PIH1D2: variants seen among roughly 807,000 people sequenced by gnomAD.
The protein encoded by PIH1D2 is PIH1 domain-containing protein 2.
Under a neutral mutation model 31.2 loss-of-function variants are expected in PIH1D2, and 25 were observed. That is an observed-to-expected ratio of 0.80 (90% confidence interval 0.58 to 1.12). The LOEUF (loss-of-function observed/expected upper bound fraction) is 1.12, where lower values mean the gene tolerates loss of function less well. Ranked by LOEUF, PIH1D2 falls within the 50% of genes most tolerant of loss-of-function variation. PIH1D2 has a pLI of 0.00. For synonymous variants in PIH1D2, 116 were observed against 119.9 expected (o/e 0.97, Z 0.21); for missense variants, 310 against 356.6 (o/e 0.87, Z 1.05).
rs587694081 is a variant in PIH1D2 at position 112,071,404 on chromosome 11, G to A, written c.302-121C>T. 55 of 1,348,098 alleles carry A rather than the reference G, an allele frequency of 4.1e-5. No homozygotes were observed. The African/African-American group carries it at 7.6e-4, about 19-fold the overall frequency. The allele number at this position is 1,348,098 out of a possible 1,614,324, so 83.5% of individuals were successfully genotyped here. A position where few individuals can be genotyped will look rare whatever the true frequency, so the allele number is the denominator to read the frequency against. ...GAGAATATTCCTGTATTTTTCAGAG[G>A]TAATCACAGTAGTGCTACAGCAATT... On this transcript the variant is annotated intron_variant, in intron 3 of 5. Transcript: ENST00000280350.
At chr11:112,065,735 CGTT>C (rs1401112125), downstream of PIH1D2, among the ~76,000 whole-genome samples, 1 of 152,198 alleles carries the variant, frequency 6.6e-6, no homozygotes, top group Admixed American at 6.5e-5. Context: ...AATCCCAACA[CGTT>C]GGGAGGCCGA....
intron 2 of PIH1D2, 150 bp downstream of exon 2, chr11:112,072,848 G>T: frequency 1.1e-6 from 1 of 893,516 alleles, no homozygotes; most frequent in Non-Finnish European, 1.6e-6. Flanking sequence ...TGGTGACAAA[G>T]TAAGACTCTG....
chr11:112,054,188 C>T, the PIH1D2 span, among the ~76,000 whole-genome samples: 70 of 151,380 alleles, frequency 4.6e-4, no homozygotes, highest in Admixed American at 2.4e-3. Flanking sequence ...TGGTGGTGCG[C>T]GCCTGTAGTC....
chr11:112,057,702 GT>G, the PIH1D2 span, among the ~76,000 whole-genome samples: 1 of 152,194 alleles, frequency 6.6e-6, no homozygotes, highest in Non-Finnish European at 1.5e-5. Context: ...GGCTCATGAG[GT>G]TGAAGGAAAG....
chr11:112,053,753 CTTAAACACAGCTT>C, the PIH1D2 span, among the ~76,000 whole-genome samples: 3 of 152,150 alleles, frequency 2.0e-5, no homozygotes, highest in Non-Finnish European at 4.4e-5. Flanking sequence ...ACGCCCAGCC[CTTAAACACAGCTT>C]TTAAACTATT....
chr11:112,060,186 C>T (rs1864485146), downstream of PIH1D2: 8 of 756,870 alleles, frequency 1.1e-5, no homozygotes, highest in East Asian at 3.1e-5. Flanking sequence ...TTTTTTGAGA[C>T]GGAGTCTCTC....
intron 2 of PIH1D2, 64 bp from the exon 3 acceptor site, chr11:112,071,822 G>A: frequency 1.3e-6 from 2 of 1,562,858 alleles, no homozygotes; most frequent in Admixed American, 1.7e-5. Context: ...GCCAGGCATG[G>A]TGGCTCCCGC....
downstream of PIH1D2, chr11:112,063,338 T>C (rs782553716): frequency 2.6e-5 from 4 of 152,390 alleles, no homozygotes; most frequent in Non-Finnish European, 4.4e-5. Context: ...TAAAATTTTC[T>C]AAGATTAACT....
chr11:112,054,543 A>G, the PIH1D2 span, among the ~76,000 whole-genome samples: 1 of 152,278 alleles, frequency 6.6e-6, no homozygotes, highest in South Asian at 2.1e-4. Context: ...ACAAGCGAGG[A>G]GAGGAGATTC....
At chr11:112,062,521 A>G, downstream of PIH1D2, 1 of 1,612,446 alleles carries the variant, frequency 6.2e-7, no homozygotes, top group Non-Finnish European at 8.5e-7. Flanking sequence ...AAAACCTATC[A>G]CTATGTTGTT....
At chr11:112,071,858 C>T in intron 2 of PIH1D2, 100 bp from the exon 3 acceptor site, 1 of 1,322,778 alleles carries the variant, frequency 7.6e-7, no homozygotes, top group Non-Finnish European at 1.0e-6. Flanking sequence ...TTTGGGGGTC[C>T]AAGGCGGCCG....
chr11:112,067,961 C>T lies in PIH1D2; in HGVS notation c.858G>A (p.Leu286=), dbSNP rs370071348. 2.1e-4 allele frequency: 340 copies of T among 1,606,148 alleles called. No homozygotes were observed. Among genetic ancestry groups the T allele is most frequent in the Non-Finnish European group, 2.8e-4 (325 of 1,173,848 alleles). The change falls in exon 6 of 6, where the codon CTG becomes CTA. Residue 286 remains leucine, a synonymous_variant. Transcript: ENST00000280350. ...IEVSEKYRLH[L]NLPKLIDTEM... is the part of the protein sequence containing the mutation. ...CAGTATCAATAAGTTTTGGAAGATT[C>T]AGATGTAATCTGTACTTCTCAGATA...
chr11:112,072,405 G>A (rs1353735308), intron 2 of PIH1D2, among the ~76,000 whole-genome samples: 2 of 151,370 alleles, frequency 1.3e-5, no homozygotes, highest in Admixed American at 6.6e-5. Flanking sequence ...AAAATTAGCC[G>A]GGTGTGGTGA....
chr11:112,059,137 G>C (rs587703103), downstream of PIH1D2, among the ~76,000 whole-genome samples: 1 of 151,472 alleles, frequency 6.6e-6, no homozygotes, highest in South Asian at 2.1e-4. Flanking sequence ...CCTATTTCTT[G>C]CTACAATGCA....
chr11:112,062,837 G>A (rs1864719686), downstream of PIH1D2: 1 of 353,618 alleles, frequency 2.8e-6, no homozygotes, highest in Non-Finnish European at 5.4e-6. Context: ...ATGTACGATA[G>A]GTAGAATTGT....
At chr11:112,073,769 C>T (rs1448022881) in intron 1 of PIH1D2, among the ~76,000 whole-genome samples, 18 of 152,174 alleles carry the variant, frequency 1.2e-4, no homozygotes, top group African/African-American at 3.9e-4. Context: ...TTCTCTACGT[C>T]TTCAGATAAA....
chr11:112,053,051 C>T, the PIH1D2 span, among the ~76,000 whole-genome samples: 1 of 152,022 alleles, frequency 6.6e-6, no homozygotes, highest in African/African-American at 2.4e-5. Flanking sequence ...ATTTTAGGGC[C>T]GGGCTCACAC....
chr11:112,065,554 T>TA (rs1240047339), downstream of PIH1D2, among the ~76,000 whole-genome samples: 2 of 152,158 alleles, frequency 1.3e-5, no homozygotes, highest in Non-Finnish European at 2.9e-5. Context: ...TAGGACATGA[T>TA]ACAGTTCCAG....
At chr11:112,072,886 A>AAC in intron 2 of PIH1D2, 112 bp downstream of exon 2, 4 of 1,091,570 alleles carry the variant, frequency 3.7e-6, no homozygotes, top group Non-Finnish European at 4.9e-6. Context: ...AAACAAAACA[A>AAC]AACAAAAAAA....
Sources: allele counts gnomAD v4.1 joint callset (sites outside exome capture counted in the v4.1 genomes callset), GRCh38; gene constraint gnomAD v4.1.1; transcripts MANE v1.5; gene names NCBI Gene and HGNC (gene_info 2026-07-23, HGNC 2026-07-21).